ZNRF1: variants seen among roughly 807,000 people sequenced by gnomAD.
ZNRF1 encodes zinc and ring finger 1.
ZNRF1 carries 3 observed loss-of-function variants against 18.4 expected under a neutral mutation model. The ratio of observed to expected loss-of-function variants is 0.16; its 90% confidence interval spans 0.07 to 0.42. ZNRF1 has a LOEUF of 0.42. ZNRF1 is among the 10% of genes least tolerant of loss of function. ZNRF1 has a pLI of 0.99. For missense variants in ZNRF1, 310 were observed against 329.8 expected, an observed-to-expected ratio of 0.94 and a Z score of 0.47; for synonymous variants, 157 against 144.2, an observed-to-expected ratio of 1.09 and a Z score of -0.64.
chr16:75,081,305 G>A (rs908478558), intron 1 of ZNRF1, among the ~76,000 whole-genome samples: 2 of 152,238 alleles, frequency 1.3e-5, no homozygotes, highest in African/African-American at 4.8e-5. Flanking sequence ...TGCCAAGAGC[G>A]AAGCCTGACC....
intron 1 of ZNRF1, among the ~76,000 whole-genome samples, chr16:75,008,570 C>G (rs549274701): frequency 1.3e-5 from 2 of 152,176 alleles, no homozygotes; most frequent in East Asian, 3.9e-4. Context: ...TCTGACTGAC[C>G]CAAAAGTATA....
chr16:75,059,404 C>T (rs1432626727), intron 1 of ZNRF1, among the ~76,000 whole-genome samples: 1 of 151,730 alleles, frequency 6.6e-6, no homozygotes, highest in Non-Finnish European at 1.5e-5. Flanking sequence ...TGCACCACCA[C>T]GCCTGGCTAA....
At position 75,000,176 on chromosome 16, in the gene ZNRF1, G is replaced by T. The variant is rs1033628709; in HGVS notation, c.424+81G>T. ...CCTTCGCGTGCGTGCCAAGGTTTGGGAATGTAGTGCACGACCGGGATCTGT... is the reference window on the plus strand; with the variant it reads ...CCTTCGCGTGCGTGCCAAGGTTTGGTAATGTAGTGCACGACCGGGATCTGT... On this transcript the variant is annotated intron_variant, in intron 1 of 4. Coordinates refer to ENST00000335325, the MANE Select transcript of ZNRF1 (RefSeq NM_032268.5). 5 of 1,528,236 alleles carry T rather than the reference G, an allele frequency of 3.3e-6. No individual in the cohort carries two copies. The South Asian group carries it at 3.6e-5, about 11-fold the overall frequency. 94.7% of individuals were successfully genotyped at this position (1,528,236 alleles called of 1,614,324 possible).
intron 1 of ZNRF1, among the ~76,000 whole-genome samples, chr16:75,090,561 G>T (rs2036125221): frequency 6.6e-6 from 1 of 152,100 alleles, no homozygotes. Context: ...ACCACCCAGA[G>T]GTTAGAAATA....
intron 2 of ZNRF1, among the ~76,000 whole-genome samples, chr16:75,101,339 A>G (rs999891173): frequency 2.0e-5 from 3 of 152,210 alleles, no homozygotes; most frequent in African/African-American, 7.2e-5. Context: ...GTGGATCACG[A>G]GGTCAAGAGA....
Position 75,093,681 on chromosome 16 carries a change from C to T in ZNRF1, c.520+14C>T, listed in dbSNP as rs781553854. On this transcript the variant is annotated intron_variant, in intron 2 of 4. Transcript: ENST00000335325. ...TCTCCTACAACGGTAAGGGCTTGGC[C>T]TGCCTCACCAGCCTCCAGAGCATCC... 6.2e-7 allele frequency: 1 copy of T among 1,607,386 alleles called. No individual in the cohort carries two copies. Among genetic ancestry groups the T allele is most frequent in the African/African-American group, 1.3e-5 (1 of 74,776 alleles).
At chr16:75,005,203 G>A (rs1254964298) in intron 1 of ZNRF1, among the ~76,000 whole-genome samples, 1 of 152,152 alleles carries the variant, frequency 6.6e-6, no homozygotes, top group African/African-American at 2.4e-5. Flanking sequence ...ATGAAAACTT[G>A]TATTAAAAAG....
chr16:75,075,093 T>TGGGG (rs2035922293), intron 1 of ZNRF1, among the ~76,000 whole-genome samples: 1 of 7,456 alleles, frequency 1.3e-4, no homozygotes, highest in East Asian at 3.4e-3. Context: ...CACTTCCAGG[T>TGGGG]GGGGGTGGGT....
At chr16:75,044,897 G>C (rs938498036) in intron 1 of ZNRF1, among the ~76,000 whole-genome samples, 4 of 152,230 alleles carry the variant, frequency 2.6e-5, no homozygotes, top group Non-Finnish European at 5.9e-5. Context: ...TTAGTATGGT[G>C]CTCTGTCACC....
chr16:75,085,127 A>G (rs1447182457), intron 1 of ZNRF1, among the ~76,000 whole-genome samples: 2 of 152,094 alleles, frequency 1.3e-5, no homozygotes, highest in Admixed American at 6.5e-5. Context: ...GTGTAACCCA[A>G]ACCCTCCTCA....
intron 1 of ZNRF1, among the ~76,000 whole-genome samples, chr16:75,042,519 C>G (rs1597875570): frequency 7.5e-6 from 1 of 133,566 alleles, no homozygotes. Flanking sequence ...ACCATCCTTT[C>G]TTCCTGAATT....
intron 1 of ZNRF1, among the ~76,000 whole-genome samples, chr16:75,069,456 C>T (rs1449721142): frequency 2.0e-5 from 3 of 152,156 alleles, no homozygotes; most frequent in African/African-American, 7.2e-5. Flanking sequence ...CTCTATTGCC[C>T]AGGCTGGAGT....
In ZNRF1 at chr16:74,999,514, T is replaced by G. The variant is rs2034806722; in HGVS notation, c.-158T>G. 7.9e-6 allele frequency: 4 copies of G among 506,950 alleles called. No homozygotes were observed. In the South Asian group the frequency reaches 2.6e-4, roughly 33 times the overall value. 31.4% of individuals were successfully genotyped at this position (506,950 alleles called of 1,614,324 possible). ...CCGCCTGCCTCTTCCGCCCCGCGGG[T>G]TTTTTCCTTTTTTCCTTTTGCTTTT... On this transcript the variant is annotated 5_prime_UTR_variant, in exon 1 of 5. Transcript: ENST00000335325.
At chr16:75,047,326 C>T (rs371187486) in intron 1 of ZNRF1, among the ~76,000 whole-genome samples, 80 of 152,270 alleles carry the variant, frequency 5.3e-4, no homozygotes, top group African/African-American at 1.8e-3. Flanking sequence ...GTGCATGCCA[C>T]CATGCCCAGC....
At chr16:75,049,095 C>G (rs1342183117) in intron 1 of ZNRF1, among the ~76,000 whole-genome samples, 1 of 151,856 alleles carries the variant, frequency 6.6e-6, no homozygotes, top group Non-Finnish European at 1.5e-5. Flanking sequence ...AACTCCGCCT[C>G]CAGAGTTCAA....
chr16:75,050,882 A>C (rs2035588948), intron 1 of ZNRF1, among the ~76,000 whole-genome samples: 2 of 119,430 alleles, frequency 1.7e-5, no homozygotes, highest in African/African-American at 3.6e-5. Context: ...AAAAAAAAAA[A>C]AAAAAACAAA....
In ZNRF1 at chr16:75,110,639, G is replaced by C. The variant is rs146152232; in HGVS notation, c.*2939G>C. On this transcript the variant is annotated 3_prime_UTR_variant, in exon 5 of 5. Coordinates refer to ENST00000335325, the MANE Select transcript of ZNRF1 (RefSeq NM_032268.5). ...AATCTGCAGTGGCTGGTATTTCAGT[G>C]AACAGTGTACTTGTTCTTTCAACTT... is the stretch of plus-strand genomic sequence containing the variant. The C allele has an allele frequency of 6.6e-6, 1 of 152,224 alleles. No homozygotes were observed. Among genetic ancestry groups the C allele is most frequent in the Admixed American group, 6.5e-5 (1 of 15,282 alleles). The allele number at this position is 152,224 out of a possible 1,614,324, so 9.4% of individuals were successfully genotyped here. A position where few individuals can be genotyped will look rare whatever the true frequency, so the allele number is the denominator to read the frequency against.
At chr16:75,092,695 A>C (rs2036153741) in intron 1 of ZNRF1, among the ~76,000 whole-genome samples, 1 of 152,048 alleles carries the variant, frequency 6.6e-6, no homozygotes, top group Admixed American at 6.6e-5. Context: ...ATCAGTTGAA[A>C]CTCTGGATGT....
At chr16:75,007,322 T>G (rs1303842430) in intron 1 of ZNRF1, among the ~76,000 whole-genome samples, 1 of 152,184 alleles carries the variant, frequency 6.6e-6, no homozygotes, top group Non-Finnish European at 1.5e-5. Context: ...CCTAAAGTGC[T>G]GGGATTACAG....
Sources: gnomAD v4.1 joint callset for allele counts (sites outside exome capture counted in the v4.1 genomes callset) on GRCh38, gnomAD v4.1.1 for gene constraint, MANE v1.5 for transcripts, NCBI Gene and HGNC (gene_info 2026-07-23, HGNC 2026-07-21) for gene names.